The following PAPSS2 variants were observed in gnomAD, a reference collection of about 807,000 sequenced individuals.
PAPSS2 encodes 3'-phosphoadenosine 5'-phosphosulfate synthase 2, also known as bifunctional 3'-phosphoadenosine 5'-phosphosulfate synthase 2.
PAPSS2 carries 61 observed loss-of-function variants against 66.5 expected under a neutral mutation model. The observed-to-expected ratio is 0.92, with a 90% CI of 0.75 to 1.14. PAPSS2 has a LOEUF of 1.14. PAPSS2 is among the 50% of genes most tolerant of loss of function. PAPSS2 has a pLI of 0.00. For synonymous variants in PAPSS2, 289 were observed against 287.5 expected (o/e 1.01, Z -0.05); for missense variants, 708 against 789.6 (o/e 0.90, Z 1.24).
At chr10:87,723,100 G>A (rs189095383) in intron 8 of PAPSS2, among the ~76,000 whole-genome samples, 12 of 152,282 alleles carry the variant, frequency 7.9e-5, no homozygotes, top group East Asian at 1.9e-4. Flanking sequence ...TGCAGGCAGC[G>A]CTAGGTTCTT....
rs550410785 is a variant in PAPSS2, at chr10:87,662,974, G to A, written c.27+2966G>A. On this transcript the variant is annotated intron_variant, in intron 1 of 12. Coordinates refer to ENST00000456849, the MANE Select transcript of PAPSS2 (RefSeq NM_001015880.2). The stretch of plus-strand genomic sequence containing the variant: ...GCTCACTGCAACCTCCGCCTCCCGG[G>A]TTCAAGCCATTCTCTTGCCCCAGCC... 6.6e-5 allele frequency among the ~76,000 whole-genome samples: 10 copies of A among 151,286 alleles called. No individual in the cohort carries two copies. In the East Asian group the frequency reaches 1.7e-3, roughly 26 times the overall value.
At chr10:87,725,033 A>T (rs1353705082) in intron 8 of PAPSS2, among the ~76,000 whole-genome samples, 1 of 151,896 alleles carries the variant, frequency 6.6e-6, no homozygotes, top group Non-Finnish European at 1.5e-5. Context: ...TGGGGAGAAG[A>T]GTCTTTTGTC....
chr10:87,731,854 G>GT (rs918588748), intron 9 of PAPSS2, among the ~76,000 whole-genome samples: 57 of 152,220 alleles, frequency 3.7e-4, no homozygotes, highest in Non-Finnish European at 4.6e-4. Flanking sequence ...CAAATAAATC[G>GT]TTTTTTTGAG....
At chr10:87,721,253 A>G (rs561577749) in intron 7 of PAPSS2, among the ~76,000 whole-genome samples, 1 of 152,308 alleles carries the variant, frequency 6.6e-6, no homozygotes, top group South Asian at 2.1e-4. Context: ...TCCTGGATCT[A>G]ATGTTGGTGC....
chr10:87,689,469 G>A (rs1364198347), intron 1 of PAPSS2, among the ~76,000 whole-genome samples: 5 of 151,800 alleles, frequency 3.3e-5, no homozygotes, highest in Admixed American at 6.5e-5. Flanking sequence ...TCAGGAGTTC[G>A]AGACCAGCCT....
intron 1 of PAPSS2, among the ~76,000 whole-genome samples, chr10:87,684,449 A>G (rs1249137667): frequency 6.6e-6 from 1 of 152,238 alleles, no homozygotes; most frequent in African/African-American, 2.4e-5. Context: ...ACATGTGCTG[A>G]TGACAAGTTC....
At chr10:87,677,748 T>A (rs1852967101) in intron 1 of PAPSS2, among the ~76,000 whole-genome samples, 1 of 152,204 alleles carries the variant, frequency 6.6e-6, no homozygotes, top group African/African-American at 2.4e-5. Context: ...CACTATCTCT[T>A]TATATAATGA....
In PAPSS2 at chr10:87,715,016, T is replaced by C. The variant is rs753441201; in HGVS notation, c.671T>C (p.Ile224Thr). Residue 224 changes from isoleucine (I) to threonine (T), a missense_variant, in exon 6 of 13, where the codon ATC (isoleucine) becomes ACC (threonine). By Grantham distance (89) the Ile-to-Thr change is moderately conservative. Coordinates refer to ENST00000456849, the MANE Select transcript of PAPSS2 (RefSeq NM_001015880.2). Reference sequence around the variant, plus strand: ...GTACCCTATACTATAATCAAAGATATCCACGAACTCTTTGTGCCGGAAAAC... The same window carrying C: ...GTACCCTATACTATAATCAAAGATACCCACGAACTCTTTGTGCCGGAAAAC... ...NIVPYTIIKD[I>T]HELFVPENKL... 5 of 1,612,716 alleles carry C rather than the reference T, an allele frequency of 3.1e-6. No individual in the cohort carries two copies. Among genetic ancestry groups the C allele is most frequent in the South Asian group, 1.1e-5 (1 of 91,050 alleles).
intron 9 of PAPSS2, among the ~76,000 whole-genome samples, chr10:87,735,097 T>G (rs1853780688): frequency 6.6e-6 from 1 of 152,154 alleles, no homozygotes; most frequent in Non-Finnish European, 1.5e-5. Flanking sequence ...CCATTCCTTT[T>G]GGCGCATCTA....
rs768951273 is a variant in PAPSS2 at position 87,713,194 on chromosome 10, C to G, written c.265C>G (p.Leu89Val). 4.3e-6 allele frequency: 7 copies of G among 1,612,042 alleles called. No individual in the cohort carries two copies. In the East Asian group the frequency reaches 1.3e-4, roughly 31 times the overall value. ...DNVRHGLNRN[L>V]GFSPGDREEN... is the part of the protein sequence containing the mutation. ...TGTCCGTCATGGCCTTAACAGAAATCTCGGATTCTCTCCTGGGGACAGAGA... is the reference window on the plus strand; with the variant it reads ...TGTCCGTCATGGCCTTAACAGAAATGTCGGATTCTCTCCTGGGGACAGAGA... Residue 89 changes from leucine to valine, a missense_variant, in exon 3 of 13, where the codon CTC becomes GTC. Leu to Val is a conservative substitution (Grantham distance 32). Coordinates refer to ENST00000456849, the MANE Select transcript of PAPSS2 (RefSeq NM_001015880.2).
At chr10:87,671,280 C>T (rs1457864196) in intron 1 of PAPSS2, among the ~76,000 whole-genome samples, 1 of 152,134 alleles carries the variant, frequency 6.6e-6, no homozygotes, top group Non-Finnish European at 1.5e-5. Context: ...TTTGTCTTTG[C>T]AGACTAAAAG....
chr10:87,706,898 C>T (rs1430721801), intron 1 of PAPSS2, among the ~76,000 whole-genome samples: 1 of 152,216 alleles, frequency 6.6e-6, no homozygotes, highest in African/African-American at 2.4e-5. Context: ...GCCATCACTG[C>T]TGTCTCATCT....
intron 7 of PAPSS2, among the ~76,000 whole-genome samples, chr10:87,720,663 G>A (rs1176196417): frequency 4.6e-5 from 7 of 151,810 alleles, no homozygotes; most frequent in Non-Finnish European, 8.8e-5. Context: ...AAAATATTTT[G>A]TTGGTTTTAA....
chr10:87,672,636 T>C (rs894233785), intron 1 of PAPSS2, among the ~76,000 whole-genome samples: 27 of 152,126 alleles, frequency 1.8e-4, no homozygotes, highest in African/African-American at 6.5e-4. Flanking sequence ...GCAGATCAAA[T>C]GTAGAAGCAG....
At chr10:87,678,179 G>A (rs1166371771) in intron 1 of PAPSS2, among the ~76,000 whole-genome samples, 1 of 152,034 alleles carries the variant, frequency 6.6e-6, no homozygotes. Flanking sequence ...AAGGCGCCAA[G>A]ACTATACACT....
intron 1 of PAPSS2, among the ~76,000 whole-genome samples, chr10:87,681,267 T>C (rs1027719024): frequency 3.9e-5 from 6 of 152,212 alleles, no homozygotes; most frequent in African/African-American, 1.4e-4. Context: ...AACTTGAGCA[T>C]TCATGAGCAT....
intron 1 of PAPSS2, among the ~76,000 whole-genome samples, chr10:87,708,958 T>C (rs1289415052): frequency 1.3e-5 from 2 of 152,224 alleles, no homozygotes; most frequent in Non-Finnish European, 2.9e-5. Flanking sequence ...CTTAGGTATG[T>C]AGACTCACAG....
intron 1 of PAPSS2, among the ~76,000 whole-genome samples, chr10:87,704,893 C>T (rs968887838): frequency 2.0e-5 from 3 of 152,204 alleles, no homozygotes; most frequent in African/African-American, 4.8e-5. Context: ...CCACCCACCT[C>T]AGCTTCTCAA....
chr10:87,707,946 A>C (rs570332466), intron 1 of PAPSS2, among the ~76,000 whole-genome samples: 1 of 152,338 alleles, frequency 6.6e-6, no homozygotes, highest in East Asian at 1.9e-4. Flanking sequence ...TGTAATATTT[A>C]AAAGGCTCAT....
Sources: allele counts gnomAD v4.1 joint callset (sites outside exome capture counted in the v4.1 genomes callset), GRCh38; gene constraint gnomAD v4.1.1; transcripts MANE v1.5; gene names NCBI Gene and HGNC (gene_info 2026-07-23, HGNC 2026-07-21).